ADGRB3: variants seen among roughly 807,000 people sequenced by gnomAD.
ADGRB3 encodes brain-specific angiogenesis inhibitor 3.
ADGRB3 carries 37 observed loss-of-function variants against 193.4 expected under a neutral mutation model. The observed-to-expected ratio is 0.19, with a 90% CI of 0.15 to 0.25. The LOEUF is 0.25. Among genes scored for constraint, ADGRB3 ranks in the 10% least tolerant of loss-of-function variants. The pLI is 1.00. For synonymous variants in ADGRB3, 690 were observed against 644.2 expected, an observed-to-expected ratio of 1.07 and a Z score of -1.08; for missense variants, 1,637 against 1,852.9, an observed-to-expected ratio of 0.88 and a Z score of 2.14.
At chr6:69,284,826 A>AG (rs1767514475) in intron 20 of ADGRB3, among the ~76,000 whole-genome samples, 2 of 152,168 alleles carry the variant, frequency 1.3e-5, no homozygotes, top group Non-Finnish European at 1.5e-5. Context: ...AACAAAAAAA[A>AG]AAGATTATTG....
At chr6:69,106,177 AAAAAAAGAAAAGAAAAG>A (rs1255590721) in intron 17 of ADGRB3, among the ~76,000 whole-genome samples, 1 of 149,420 alleles carries the variant, frequency 6.7e-6, no homozygotes, top group Non-Finnish European at 1.5e-5. Flanking sequence ...AAAAAAAAAA[AAAAAAAGAAAAGAAAAG>A]AAAAAAGAAA....
chr6:69,161,122 T>A (rs1036971568), intron 17 of ADGRB3, among the ~76,000 whole-genome samples: 4 of 152,130 alleles, frequency 2.6e-5, no homozygotes, highest in African/African-American at 9.7e-5. Flanking sequence ...CAAATTCTTG[T>A]AAGATAATAC....
chr6:69,318,413 A>G (rs964000375), intron 20 of ADGRB3, among the ~76,000 whole-genome samples: 3 of 151,338 alleles, frequency 2.0e-5, no homozygotes, highest in African/African-American at 4.8e-5. Context: ...GTCACCCTGC[A>G]TTACTGGACC....
At chr6:68,775,336 C>T (rs995757930) in intron 3 of ADGRB3, among the ~76,000 whole-genome samples, 11 of 152,042 alleles carry the variant, frequency 7.2e-5, no homozygotes, top group Middle Eastern at 3.4e-3. Flanking sequence ...GTGGCTGCCC[C>T]GTGCACCAAG....
At chr6:68,784,712 T>C (rs1285328691) in intron 3 of ADGRB3, among the ~76,000 whole-genome samples, 1 of 152,144 alleles carries the variant, frequency 6.6e-6, no homozygotes, top group Non-Finnish European at 1.5e-5. Flanking sequence ...AATGCATTTC[T>C]GGTCTGCTCA....
At chr6:69,126,543 G>T (rs980361525) in intron 17 of ADGRB3, among the ~76,000 whole-genome samples, 3 of 152,128 alleles carry the variant, frequency 2.0e-5, no homozygotes, top group Non-Finnish European at 4.4e-5. Flanking sequence ...AAGAGAAGAC[G>T]GGTGTCCCAT....
chr6:68,848,216 A>G (rs962667180), intron 3 of ADGRB3, among the ~76,000 whole-genome samples: 1 of 152,138 alleles, frequency 6.6e-6, no homozygotes, highest in Admixed American at 6.5e-5. Flanking sequence ...AGGTAATAGT[A>G]AAAGCATAAA....
intron 3 of ADGRB3, among the ~76,000 whole-genome samples, chr6:68,862,569 T>G (rs1359840957): frequency 6.6e-6 from 1 of 152,200 alleles, no homozygotes; most frequent in African/African-American, 2.4e-5. Flanking sequence ...TCAGGGAGAT[T>G]AACTTGCCAC....
rs146369861 is a variant in ADGRB3, at chr6:68,924,665, G to A, written c.758-5894G>A. On this transcript the variant is annotated intron_variant, in intron 3 of 31. Transcript: ENST00000370598. ...AGAAGTGCCCTAAAATTACTCATTT[G>A]CTTAACAGAGTTACGCCCAGCTACC... 2.7e-3 allele frequency among the ~76,000 whole-genome samples: 415 copies of A among 151,906 alleles called. 6 individuals carry two copies. Among genetic ancestry groups the A allele is most frequent in the African/African-American group, 9.7e-3 (403 of 41,472 alleles).
At chr6:68,800,713 G>C (rs371207149) in intron 3 of ADGRB3, among the ~76,000 whole-genome samples, 2 of 150,924 alleles carry the variant, frequency 1.3e-5, no homozygotes, top group South Asian at 4.2e-4. Flanking sequence ...GATTTTTCTG[G>C]GTTTTAAAAA....
intron 3 of ADGRB3, among the ~76,000 whole-genome samples, chr6:68,678,923 C>T (rs1437869602): frequency 6.6e-6 from 1 of 152,036 alleles, no homozygotes; most frequent in Admixed American, 6.6e-5. Flanking sequence ...GATATTACTT[C>T]AAGTTGTCCA....
At chr6:69,339,604 G>C in intron 26 of ADGRB3, 100 bp downstream of exon 26, 1 of 1,350,328 alleles carries the variant, frequency 7.4e-7, no homozygotes, top group Non-Finnish European at 1.0e-6. Context: ...GATTAAAGCT[G>C]GTCTCCTCCA....
In ADGRB3 at chr6:69,144,062, C is replaced by T. The variant is rs186583088; in HGVS notation, c.2480+68024C>T. Reference sequence around the variant, plus strand: ...GTGTGTCCTCTTAAATTTCCTTCATCAATGTTTTATAGTTTTCATTATTGA... The same window carrying T: ...GTGTGTCCTCTTAAATTTCCTTCATTAATGTTTTATAGTTTTCATTATTGA... On this transcript the variant is annotated intron_variant, in intron 17 of 31. Coordinates refer to ENST00000370598, the MANE Select transcript of ADGRB3 (RefSeq NM_001704.3). 1.7e-3 allele frequency among the ~76,000 whole-genome samples: 266 copies of T among 152,240 alleles called. 2 individuals are homozygous for T. Among genetic ancestry groups the T allele is most frequent in the Non-Finnish European group, 2.2e-3 (152 of 68,006 alleles).
At position 69,212,953 on chromosome 6, in the gene ADGRB3, G is replaced by A. The variant is rs140474470; in HGVS notation, c.2481-20337G>A. ...GTGATAGGAAAAAATATTATCTTTT[G>A]CAAGGAAGCTGATGCATAGCTTGAC... On this transcript the variant is annotated intron_variant, in intron 17 of 31. Coordinates refer to ENST00000370598, the MANE Select transcript of ADGRB3 (RefSeq NM_001704.3). Among the ~76,000 whole-genome samples the A allele has an allele frequency of 4.8e-3, 731 of 152,188 alleles. 3 individuals carry two copies. Among genetic ancestry groups the A allele is most frequent in the Non-Finnish European group, 7.5e-3 (508 of 67,954 alleles).
chr6:68,772,888 AAAAAAAAT>A lies in ADGRB3; in HGVS notation c.757+133458_757+133465del, dbSNP rs1458329945. Among the ~76,000 whole-genome samples the A allele has an allele frequency of 1.9e-3, 99 of 51,900 alleles. 1 individual carries two copies. The highest frequency in any genetic ancestry group is 0.011 in the East Asian group (11 of 1,046). The allele number at this position is 51,900 out of a possible 152,430, so 34.0% of individuals were successfully genotyped here. Reference sequence around the variant, plus strand: ...AAACAAACAAACAAACAAACAAAAAAAAAAAAATATATATATATATATATATATATATA... The same window carrying A: ...AAACAAACAAACAAACAAACAAAAAAATATATATATATATATATATATATA... On this transcript the variant is annotated intron_variant, in intron 3 of 31. Transcript: ENST00000370598.
intron 8 of ADGRB3, among the ~76,000 whole-genome samples, chr6:68,967,404 AG>A (rs1768414297): frequency 6.6e-6 from 1 of 152,208 alleles, no homozygotes; most frequent in African/African-American, 2.4e-5. Flanking sequence ...GGATGTGTGT[AG>A]GGCACATTGG....
intron 13 of ADGRB3, among the ~76,000 whole-genome samples, chr6:69,030,224 G>A (rs894708726): frequency 6.6e-6 from 1 of 152,110 alleles, no homozygotes; most frequent in East Asian, 1.9e-4. Context: ...CAAGGACCTA[G>A]AACCAGAAAT....
intron 17 of ADGRB3, among the ~76,000 whole-genome samples, chr6:69,208,958 G>T (rs1422687612): frequency 6.6e-6 from 1 of 152,148 alleles, no homozygotes; most frequent in Admixed American, 6.5e-5. Flanking sequence ...GCAGTAACAG[G>T]CCAAGAGTTG....
At chr6:69,287,768 G>A (rs778507599) in intron 20 of ADGRB3, among the ~76,000 whole-genome samples, 32 of 152,116 alleles carry the variant, frequency 2.1e-4, no homozygotes, top group Non-Finnish European at 3.7e-4. Flanking sequence ...ATGTCATATC[G>A]AATTGGTCTT....
Sources: gnomAD v4.1 joint callset for allele counts (sites outside exome capture counted in the v4.1 genomes callset) on GRCh38, gnomAD v4.1.1 for gene constraint, MANE v1.5 for transcripts, NCBI Gene and HGNC (gene_info 2026-07-23, HGNC 2026-07-21) for gene names.